Variants in OSBPL9 observed in about 807,000 individuals in gnomAD.
OSBPL9 encodes the protein oxysterol-binding protein-related protein 9.
A neutral mutation model predicts 106.6 loss-of-function variants in OSBPL9; 40 were observed. The ratio of observed to expected loss-of-function variants is 0.38; its 90% CI spans 0.29 to 0.49. The LOEUF (loss-of-function observed/expected upper bound fraction) is 0.49. Ranked by LOEUF, OSBPL9 falls within the 20% of genes least tolerant of loss-of-function variation. OSBPL9 has a pLI of 0.97. For missense variants in OSBPL9, 609 were observed against 887.2 expected (o/e 0.69, Z 3.98); for synonymous variants, 269 against 295.4 (o/e 0.91, Z 0.92).
chr1:51,594,439 G>GA (rs900351674), intron 1 of OSBPL9, among the ~76,000 whole-genome samples: 4 of 151,436 alleles, frequency 2.6e-5, no homozygotes, highest in East Asian at 1.9e-4. Context: ...AAAGAAAAAA[G>GA]AAAAAAAAGA....
At chr1:51,636,690 C>G (rs1050412366) in intron 1 of OSBPL9, among the ~76,000 whole-genome samples, 4 of 152,074 alleles carry the variant, frequency 2.6e-5, no homozygotes, top group Admixed American at 1.3e-4. Context: ...TGGCTCATGC[C>G]TGTCATCTTA....
rs548071232 is a variant in OSBPL9 at position 51,786,396 on chromosome 1, A to G, written c.1909-130A>G. ...TTAAACAGAGGAAAGATGTTATGAA[A>G]TTAACAGGAGGAGCCAGTTAACTGC... On this transcript the variant is annotated intron_variant, in intron 21 of 23. Coordinates refer to ENST00000428468, the MANE Select transcript of OSBPL9 (RefSeq NM_024586.6). 1.3e-4 allele frequency: 80 copies of G among 620,150 alleles called. No individual in the cohort carries two copies. In the African/African-American group the frequency reaches 1.4e-3, roughly 11 times the overall value. The allele number at this position is 620,150 out of a possible 1,614,324, so 38.4% of individuals were successfully genotyped here.
chr1:51,764,271 A>G (rs1402998461), intron 11 of OSBPL9, among the ~76,000 whole-genome samples: 2 of 152,150 alleles, frequency 1.3e-5, no homozygotes, highest in Non-Finnish European at 2.9e-5. Context: ...CACCTGGAAT[A>G]TTTGCATGCT....
Position 51,786,603 on chromosome 1 carries a change from G to C in OSBPL9, c.1986G>C (p.Glu662Asp). The stretch of plus-strand genomic sequence containing the variant: ...TGAGGAAGTTGGAAGATCAGAACGA[G>C]TATGAATCCCGCAGGTAAGCCGACA... ...KKVRKLEDQN[E>D]YESRSLWKDV... Residue 662 changes from glutamate to aspartate, a missense_variant, in exon 22 of 24, where the codon GAG becomes GAC. Physicochemically the swap from Glu to Asp is conservative, Grantham distance 45. Transcript: ENST00000428468. 6.2e-7 allele frequency: 1 copy of C among 1,612,106 alleles called. No homozygotes were observed. The highest frequency in any genetic ancestry group is 2.2e-5 in the East Asian group (1 of 44,826).
At chr1:51,625,516 A>ATCT (rs565316757) in intron 1 of OSBPL9, among the ~76,000 whole-genome samples, 2 of 151,324 alleles carry the variant, frequency 1.3e-5, no homozygotes, top group South Asian at 2.1e-4. Flanking sequence ...GTAAAGGATT[A>ATCT]TCTTCTTCTT....
chr1:51,656,772 G>T (rs1646845378), intron 2 of OSBPL9, among the ~76,000 whole-genome samples: 1 of 151,556 alleles, frequency 6.6e-6, no homozygotes, highest in Non-Finnish European at 1.5e-5. Flanking sequence ...CAATCCTCCT[G>T]CCTCAACCTG....
chr1:51,784,460 C>G lies in OSBPL9; in HGVS notation c.1707C>G (p.Pro569=), dbSNP rs1677133748. ...TTTGCAGGTCTATCCTCACAGTGCC[C>G]TGGGTGGAATTAGGAGGAGAATGCA... ...NGYGRSILTV[P]WVELGGECNI... The change falls in exon 20 of 24, where the codon CCC becomes CCG. Residue 569 remains proline (P), a synonymous_variant. Coordinates refer to ENST00000428468, the MANE Select transcript of OSBPL9 (RefSeq NM_024586.6). 1 of 1,614,138 alleles carries G rather than the reference C, an allele frequency of 6.2e-7. No individual in the cohort carries two copies. Among genetic ancestry groups the G allele is most frequent in the Non-Finnish European group, 8.5e-7 (1 of 1,179,988 alleles).
chr1:51,593,704 C>T (rs1249155207), intron 1 of OSBPL9, among the ~76,000 whole-genome samples: 2 of 152,078 alleles, frequency 1.3e-5, no homozygotes, highest in Admixed American at 6.6e-5. Context: ...CCTTGCTACC[C>T]TCAAAACAGT....
chr1:51,724,235 T>C (rs72898075), intron 4 of OSBPL9, among the ~76,000 whole-genome samples: 8,671 of 152,114 alleles, frequency 0.057, 470 homozygotes, highest in African/African-American at 0.14. Flanking sequence ...CCTGAGCTAC[T>C]GTGCCTGATC....
chr1:51,558,319 AC>A, the OSBPL9 span, among the ~76,000 whole-genome samples: 1 of 151,964 alleles, frequency 6.6e-6, no homozygotes, highest in Admixed American at 6.6e-5. Flanking sequence ...CCTTCCCAAA[AC>A]AAACCCCCTC....
chr1:51,544,702 A>G, the OSBPL9 span, among the ~76,000 whole-genome samples: 1 of 152,206 alleles, frequency 6.6e-6, no homozygotes, highest in Admixed American at 6.5e-5. Flanking sequence ...TTAAAAATAA[A>G]AAAAGAATGT....
At chr1:51,770,167 ACT>A (rs981514095) in intron 12 of OSBPL9, among the ~76,000 whole-genome samples, 1 of 145,236 alleles carries the variant, frequency 6.9e-6, no homozygotes, top group Admixed American at 7.0e-5. Context: ...ACAGAATCTC[ACT>A]CTGTCGCCCA....
At chr1:51,739,372 T>C (rs913453176) in intron 4 of OSBPL9, among the ~76,000 whole-genome samples, 3 of 152,000 alleles carry the variant, frequency 2.0e-5, no homozygotes, top group African/African-American at 7.2e-5. Context: ...GAGTACCTAA[T>C]ACTCTGAAAA....
At chr1:51,569,027 A>G in the OSBPL9 span, among the ~76,000 whole-genome samples, 1 of 152,078 alleles carries the variant, frequency 6.6e-6, no homozygotes, top group South Asian at 2.1e-4. Context: ...GCCTTAACTT[A>G]ATTTTCAACC....
At chr1:51,786,228 A>T in intron 21 of OSBPL9, 1 of 447,486 alleles carries the variant, frequency 2.2e-6, no homozygotes, top group Non-Finnish European at 4.0e-6. Context: ...GAAGCACTAA[A>T]CTGTGTGTTT....
At chr1:51,590,619 CAAAAAAAA>C (rs572208174) in intron 1 of OSBPL9, among the ~76,000 whole-genome samples, 1 of 53,244 alleles carries the variant, frequency 1.9e-5, no homozygotes, top group African/African-American at 7.5e-5. Flanking sequence ...GACTCCGTCT[CAAAAAAAA>C]AAAAAAAAGA....
chr1:51,708,348 G>A (rs1571223630), intron 3 of OSBPL9, among the ~76,000 whole-genome samples: 1 of 141,648 alleles, frequency 7.1e-6, no homozygotes, highest in African/African-American at 2.7e-5. Context: ...GATATTTGTT[G>A]AGACTTGTTT....
chr1:51,699,513 T>G (rs987124626), intron 3 of OSBPL9, among the ~76,000 whole-genome samples: 5 of 152,202 alleles, frequency 3.3e-5, no homozygotes, highest in African/African-American at 7.2e-5. Flanking sequence ...TTTATTTATT[T>G]TGATGCTCAA....
the OSBPL9 span, among the ~76,000 whole-genome samples, chr1:51,547,646 C>G: frequency 2.0e-5 from 3 of 152,094 alleles, no homozygotes; most frequent in Admixed American, 2.0e-4. Context: ...GAGTTTGAAA[C>G]CAGCCTGAGC....
Sources: allele counts gnomAD v4.1 joint callset (sites outside exome capture counted in the v4.1 genomes callset), GRCh38; gene constraint gnomAD v4.1.1; transcripts MANE v1.5; gene names NCBI Gene and HGNC (gene_info 2026-07-23, HGNC 2026-07-21).